Variants in ZNF727 observed in about 807,000 individuals in gnomAD.
ZNF727 encodes the protein zinc finger protein 727, also known as putative zinc finger protein 727.
ZNF727 carries 11 observed loss-of-function variants against 11.5 expected under a neutral mutation model. That is an observed-to-expected ratio of 0.95 (90% CI 0.60 to 1.58). The LOEUF (loss-of-function observed/expected upper bound fraction) is 1.58, where lower values mean the gene tolerates loss of function less well. Ranked by LOEUF, ZNF727 falls within the 40% of genes most tolerant of loss-of-function variation. The pLI is 0.00. For missense variants in ZNF727, 533 were observed against 581.7 expected (o/e 0.92, Z 0.86); for synonymous variants, 171 against 196.1 (o/e 0.87, Z 1.07).
Position 64,080,598 on chromosome 7 carries a change from ATGAAGTT to A in ZNF727, c.*2052_*2058del, listed in dbSNP as rs1347375118. Among the ~76,000 whole-genome samples, 2 of 152,132 alleles carry A rather than the reference ATGAAGTT, an allele frequency of 1.3e-5. No homozygotes were observed. Among genetic ancestry groups the A allele is most frequent in the African/African-American group, 2.4e-5 (1 of 41,428 alleles). ...GGTTGCAACTTACCTTTGTAGATCA[ATGAAGTT>A]TGCTTCTACCCATATTCTGAATTCT... On this transcript the variant is annotated 3_prime_UTR_variant, in exon 4 of 4. Coordinates refer to ENST00000456806, the MANE Select transcript of ZNF727 (RefSeq NM_001159522.3).
rs1428396977 is a variant in ZNF727 at position 64,078,121 on chromosome 7, C to T, written c.1072C>T (p.His358Tyr). The change falls in exon 4 of 4, where the codon CAC becomes TAC. Residue 358 changes from histidine to tyrosine, a missense_variant. This residue lies in a region of ZNF727 where 463 missense variants were observed against 494.5 expected (regional missense o/e 0.94). Coordinates refer to ENST00000456806, the MANE Select transcript of ZNF727 (RefSeq NM_001159522.3). ...AFTYSSTLIS[H>Y]KRIHMELRPY... ...TACCTACTCCTCAACCCTTATTAGCCACAAGAGAATTCATATGGAATTGAG... is the reference window on the plus strand; with the variant it reads ...TACCTACTCCTCAACCCTTATTAGCTACAAGAGAATTCATATGGAATTGAG... The T allele has an allele frequency of 1.2e-6, 2 of 1,605,082 alleles. No homozygotes were observed. Among genetic ancestry groups the T allele is most frequent in the African/African-American group, 2.7e-5 (2 of 74,702 alleles).
At position 64,077,827 on chromosome 7, in the gene ZNF727, G is replaced by A. The variant is rs1451741041; in HGVS notation, c.778G>A (p.Glu260Lys). ...TGGAGACAGACCCTACAAATGCGAAGAATGTCACAAAGCCTTTAGGTGTTG... is the reference window on the plus strand; with the variant it reads ...TGGAGACAGACCCTACAAATGCGAAAAATGTCACAAAGCCTTTAGGTGTTG... ...HTGDRPYKCE[E>K]CHKAFRCCSD... The change falls in exon 4 of 4, where the codon GAA (glutamate) becomes AAA (lysine). Residue 260 changes from glutamate (E) to lysine (K), a missense_variant. Physicochemically the swap from Glu to Lys is moderately conservative, Grantham distance 56. Transcript: ENST00000456806. The A allele has an allele frequency of 1.3e-6, 2 of 1,567,542 alleles. No individual in the cohort carries two copies. Among genetic ancestry groups the A allele is most frequent in the Non-Finnish European group, 1.7e-6 (2 of 1,155,914 alleles).
chr7:64,063,694 A>G lies in ZNF727; in HGVS notation c.4-5197A>G, dbSNP rs189667337. On this transcript the variant is annotated intron_variant, in intron 1 of 3. Coordinates refer to ENST00000456806, the MANE Select transcript of ZNF727 (RefSeq NM_001159522.3). ...AGTTGGTGGATCAAGCCAGGCTCAT[A>G]TCCTTTCCTTCAGGGCAGTGAGCTC... Among the ~76,000 whole-genome samples the G allele has an allele frequency of 2.4e-3, 368 of 152,218 alleles. 1 individual carries two copies. Among genetic ancestry groups the G allele is most frequent in the African/African-American group, 5.7e-3 (236 of 41,560 alleles).
rs75761319 is a variant in ZNF727 at position 64,057,090 on chromosome 7, T to A, written c.3+11466T>A. ...GAAGTAATAAGCATTTAAAAAATACTAGATAAGAAATGTTGAAACAGCCCC... is the reference window on the plus strand; with the variant it reads ...GAAGTAATAAGCATTTAAAAAATACAAGATAAGAAATGTTGAAACAGCCCC... On this transcript the variant is annotated intron_variant, in intron 1 of 3. Coordinates refer to ENST00000456806, the MANE Select transcript of ZNF727 (RefSeq NM_001159522.3). Among the ~76,000 whole-genome samples, 826 of 152,162 alleles carry A rather than the reference T, an allele frequency of 5.4e-3. 22 individuals carry two copies. In the East Asian group the frequency reaches 0.095, roughly 18 times the overall value.
rs1785700270 is a variant in ZNF727 at position 64,077,716 on chromosome 7, A to T, written c.667A>T (p.Thr223Ser). ...SNLTEHNRVH[T>S]GKKPYKCEEC... ...CCTTACTGAACATAATAGAGTTCAT[A>T]CTGGAAAGAAACCCTACAAATGTGA... Residue 223 changes from threonine (T) to serine (S), a missense_variant, in exon 4 of 4, where the codon ACT (threonine) becomes TCT (serine). Coordinates refer to ENST00000456806, the MANE Select transcript of ZNF727 (RefSeq NM_001159522.3). 1.3e-6 allele frequency: 2 copies of T among 1,580,298 alleles called. No individual in the cohort carries two copies. The highest frequency in any genetic ancestry group is 2.3e-5 in the East Asian group (1 of 42,826).
intron 1 of ZNF727, among the ~76,000 whole-genome samples, chr7:64,061,551 A>C (rs1182661101): frequency 1.3e-5 from 2 of 149,090 alleles, no homozygotes; most frequent in South Asian, 2.1e-4. Flanking sequence ...CTTTATTTTC[A>C]GTCTTTCTGT....
rs1785839412 is a variant in ZNF727 at position 64,084,288 on chromosome 7, G to A, written c.*5739G>A. Reference sequence around the variant, plus strand: ...AATTGCTTTACCATTTGCAAACTAAGGTAATTAAAATACAGTGAGTTTCAA... The same window carrying A: ...AATTGCTTTACCATTTGCAAACTAAAGTAATTAAAATACAGTGAGTTTCAA... On this transcript the variant is annotated 3_prime_UTR_variant, in exon 4 of 4. Transcript: ENST00000456806. 6.6e-6 allele frequency among the ~76,000 whole-genome samples: 1 copy of A among 152,048 alleles called. No homozygotes were observed. Among genetic ancestry groups the A allele is most frequent in the South Asian group, 2.1e-4 (1 of 4,816 alleles).
At position 64,085,308 on chromosome 7, in the gene ZNF727, A is replaced by ATT. The variant is rs1785855540; in HGVS notation, c.*6760_*6761dup. On this transcript the variant is annotated 3_prime_UTR_variant, in exon 4 of 4. Coordinates refer to ENST00000456806, the MANE Select transcript of ZNF727 (RefSeq NM_001159522.3). ...CATTTTACTTTGTAAAATTGATATA[A>ATT]TTGATTTTATTAAATTTATTGGGTC... Among the ~76,000 whole-genome samples, 1 of 152,208 alleles carries ATT rather than the reference A, an allele frequency of 6.6e-6. No homozygotes were observed. Among genetic ancestry groups the ATT allele is most frequent in the African/African-American group, 2.4e-5 (1 of 41,458 alleles).
Position 64,080,192 on chromosome 7 carries a change from G to C in ZNF727, c.*1643G>C, listed in dbSNP as rs1225992127. 6.6e-6 allele frequency among the ~76,000 whole-genome samples: 1 copy of C among 152,066 alleles called. No homozygotes were observed. The highest frequency in any genetic ancestry group is 1.5e-5 in the Non-Finnish European group (1 of 68,028). On this transcript the variant is annotated 3_prime_UTR_variant, in exon 4 of 4. Transcript: ENST00000456806. ...TTCTCCACATTTCTTGCCTTTGAAT[G>C]TTGGCCTCTCTAGTTTGGGGAAATT...
chr7:64,069,308 T>C (rs1789921224), intron 2 of ZNF727, among the ~76,000 whole-genome samples: 2 of 152,050 alleles, frequency 1.3e-5, no homozygotes, highest in South Asian at 2.1e-4. Flanking sequence ...TCACAACTGA[T>C]TTTTGATGCA....
At chr7:64,077,077 T>C (rs1785678214) in intron 3 of ZNF727, among the ~76,000 whole-genome samples, 199 bp from the exon 4 acceptor site, 1 of 152,234 alleles carries the variant, frequency 6.6e-6, no homozygotes, top group Admixed American at 6.5e-5. Flanking sequence ...CTACAAATGC[T>C]TAACTGGTTC....
intron 1 of ZNF727, among the ~76,000 whole-genome samples, chr7:64,067,451 A>G (rs145925752): frequency 1.3e-5 from 2 of 152,326 alleles, no homozygotes; most frequent in African/African-American, 4.8e-5. Flanking sequence ...TGTTTATTGC[A>G]GCACCATTTA....
intron 1 of ZNF727, among the ~76,000 whole-genome samples, chr7:64,055,723 T>G (rs1789674168): frequency 6.6e-6 from 1 of 152,242 alleles, no homozygotes; most frequent in Admixed American, 6.5e-5. Flanking sequence ...TAATAATATT[T>G]CATTGCATGT....
At chr7:64,058,377 T>C (rs763765623) in intron 1 of ZNF727, among the ~76,000 whole-genome samples, 6 of 152,206 alleles carry the variant, frequency 3.9e-5, no homozygotes, top group Non-Finnish European at 5.9e-5. Context: ...CACTATATAA[T>C]AATTTGCTCA....
At chr7:64,048,389 G>T (rs1789541752) in intron 1 of ZNF727, among the ~76,000 whole-genome samples, 1 of 152,170 alleles carries the variant, frequency 6.6e-6, no homozygotes, top group African/African-American at 2.4e-5. Flanking sequence ...CCTGGGAAAA[G>T]ACAGAGGAAA....
At chr7:64,057,927 T>A (rs557539971) in intron 1 of ZNF727, among the ~76,000 whole-genome samples, 1 of 152,338 alleles carries the variant, frequency 6.6e-6, no homozygotes, top group Non-Finnish European at 1.5e-5. Context: ...CCATTGTTGC[T>A]GATTTTGTTC....
At chr7:64,069,485 A>G in intron 2 of ZNF727, 29 bp from the exon 3 acceptor site, 2 of 1,489,924 alleles carry the variant, frequency 1.3e-6, no homozygotes, top group Non-Finnish European at 1.8e-6. Flanking sequence ...TCCTAGCAAG[A>G]GTCATGTTAT....
chr7:64,069,883 A>G (rs982229968), intron 3 of ZNF727, among the ~76,000 whole-genome samples: 20 of 151,912 alleles, frequency 1.3e-4, no homozygotes, highest in Admixed American at 8.5e-4. Flanking sequence ...TTACAGTGAT[A>G]AAGTCTTTTT....
rs1317340228 is a variant in ZNF727 at position 64,078,011 on chromosome 7, T to C, written c.962T>C (p.Phe321Ser). ...AAATGTAATGAATGTGGAAAAGCTT[T>C]TATGTGGATCTCGGCCCTTAGTCAA... ...PYKCNECGKA[F>S]MWISALSQHN... Residue 321 changes from phenylalanine to serine, a missense_variant, in exon 4 of 4, where the codon TTT becomes TCT. Around this residue, in one of 3 missense-constraint regions of ZNF727, gnomAD observed 463 missense variants for 494.5 expected, o/e 0.94. Transcript: ENST00000456806. 2 of 1,606,176 alleles carry C rather than the reference T, an allele frequency of 1.2e-6. No individual in the cohort carries two copies. Among genetic ancestry groups the C allele is most frequent in the South Asian group, 1.1e-5 (1 of 90,168 alleles).
Sources: gnomAD v4.1 joint callset for allele counts (sites outside exome capture counted in the v4.1 genomes callset) on GRCh38, gnomAD v4.1.1 for gene constraint, gnomAD v4.1.1 regional missense constraint, MANE v1.5 for transcripts, NCBI Gene and HGNC (gene_info 2026-07-23, HGNC 2026-07-21) for gene names.